The following UBXN2B variants were observed in gnomAD, a reference collection of about 807,000 sequenced individuals.
UBXN2B encodes UBX domain-containing protein 2B.
In UBXN2B, 19 loss-of-function variants were observed where a neutral mutation model predicts 37.5. The ratio of observed to expected loss-of-function variants is 0.51; its 90% CI spans 0.35 to 0.74. The LOEUF is 0.74. Among genes scored for constraint, UBXN2B ranks in the 30% least tolerant of loss-of-function variants. The pLI is 0.01. For missense variants in UBXN2B, 370 were observed against 393.2 expected (o/e 0.94, Z 0.50); for synonymous variants, 145 against 143.8 (o/e 1.01, Z -0.06).
At chr8:58,438,956 A>G (rs1208725010) in intron 5 of UBXN2B, among the ~76,000 whole-genome samples, 1 of 152,120 alleles carries the variant, frequency 6.6e-6, no homozygotes, top group African/African-American at 2.4e-5. Context: ...TGCCATCCCC[A>G]TGGTAATGAG....
intron 6 of UBXN2B, among the ~76,000 whole-genome samples, chr8:58,443,416 T>G (rs1040342913): frequency 6.6e-6 from 1 of 152,128 alleles, no homozygotes; most frequent in Non-Finnish European, 1.5e-5. Flanking sequence ...ATGTAAAAGT[T>G]TTACTATGGC....
intron 7 of UBXN2B, 61 bp from the exon 8 acceptor site, chr8:58,447,328 T>C: frequency 6.9e-7 from 1 of 1,451,646 alleles, no homozygotes; most frequent in Non-Finnish European, 9.2e-7. Context: ...TGATTCAGTT[T>C]TAAGTTTACA....
intron 2 of UBXN2B, chr8:58,426,441 T>C (rs1808092594): frequency 3.2e-6 from 2 of 632,990 alleles, no homozygotes; most frequent in South Asian, 1.5e-5. Flanking sequence ...ATCTCCTGAC[T>C]TTGTGATCCG....
intron 1 of UBXN2B, among the ~76,000 whole-genome samples, chr8:58,412,318 A>G (rs1372442291): frequency 6.6e-6 from 1 of 152,230 alleles, no homozygotes; most frequent in Non-Finnish European, 1.5e-5. Flanking sequence ...GAATGTGGAA[A>G]TAAGGACATC....
chr8:58,435,681 T>G (rs2129604366), intron 5 of UBXN2B, among the ~76,000 whole-genome samples: 1 of 152,322 alleles, frequency 6.6e-6, no homozygotes, highest in South Asian at 2.1e-4. Flanking sequence ...AGATAAAAAC[T>G]AATTTATTGT....
At chr8:58,425,100 C>A in intron 2 of UBXN2B, 1 of 793,086 alleles carries the variant, frequency 1.3e-6, no homozygotes, top group Admixed American at 1.7e-5. Context: ...CTCCGTGGTC[C>A]GGCCAGGTCC....
intron 3 of UBXN2B, 51 bp downstream of exon 3, chr8:58,430,720 C>CT: frequency 7.7e-7 from 1 of 1,297,672 alleles, no homozygotes; most frequent in Non-Finnish European, 1.0e-6. Flanking sequence ...TTTACCTCCT[C>CT]TTTCATTTTT....
rs1404656895 is a variant in UBXN2B at position 58,420,240 on chromosome 8, C to G, written c.188+3287C>G. On this transcript the variant is annotated intron_variant, in intron 2 of 7. Transcript: ENST00000399598. ...CAAATACACTTTTACTCTGATAATA[C>G]AGCTTTGCAACTAGCAAAGCAGTTG... is the stretch of plus-strand genomic sequence containing the variant. Among the ~76,000 whole-genome samples, 4 of 152,166 alleles carry G rather than the reference C, an allele frequency of 2.6e-5. No individual in the cohort carries two copies. In the South Asian group the frequency reaches 8.3e-4, roughly 31 times the overall value.
At chr8:58,434,585 A>G in intron 5 of UBXN2B, 81 bp downstream of exon 5, 2 of 1,083,442 alleles carry the variant, frequency 1.8e-6, no homozygotes, top group Non-Finnish European at 1.3e-6. Flanking sequence ...TTAGTGCACT[A>G]CGGGTTTTCA....
At chr8:58,425,714 G>A (rs910685797) in intron 2 of UBXN2B, 38 of 1,168,794 alleles carry the variant, frequency 3.3e-5, no homozygotes, top group African/African-American at 2.7e-4. Flanking sequence ...TATACGAGTC[G>A]TGTTAAGGGG....
At chr8:58,427,544 A>C (rs1529367) in intron 2 of UBXN2B, among the ~76,000 whole-genome samples, 105,854 of 152,112 alleles carry the variant, frequency 0.7, 37,063 homozygotes, top group East Asian at 0.79. Flanking sequence ...AGGATATTTT[A>C]AAGGTGTTCA....
chr8:58,434,833 C>G lies in UBXN2B; in HGVS notation c.533+329C>G. 2.6e-6 allele frequency: 4 copies of G among 1,535,326 alleles called. No homozygotes were observed. The South Asian group carries it at 4.8e-5, about 18-fold the overall frequency. ...AGTATGTAGCTGCCCACCCACTAAGCCACTGTCCTGCTTACTGTTGACAGG... is the reference window on the plus strand; with the variant it reads ...AGTATGTAGCTGCCCACCCACTAAGGCACTGTCCTGCTTACTGTTGACAGG... On this transcript the variant is annotated intron_variant, in intron 5 of 7. Transcript: ENST00000399598.
chr8:58,436,996 T>C (rs545453791), intron 5 of UBXN2B, among the ~76,000 whole-genome samples: 56 of 152,162 alleles, frequency 3.7e-4, no homozygotes, highest in Non-Finnish European at 5.9e-5. Flanking sequence ...CATGAAGATG[T>C]GGAAGCATCT....
chr8:58,433,330 C>CAA, intron 4 of UBXN2B, 87 bp downstream of exon 4: 1 of 1,101,864 alleles, frequency 9.1e-7, no homozygotes, highest in Non-Finnish European at 1.3e-6. Flanking sequence ...ATTGATAATA[C>CAA]AAATATATTT....
chr8:58,419,839 G>A (rs1268248870), intron 2 of UBXN2B, among the ~76,000 whole-genome samples: 1 of 152,234 alleles, frequency 6.6e-6, no homozygotes, highest in East Asian at 1.9e-4. Flanking sequence ...AGCCAGGAAG[G>A]CTTTCATAGG....
intron 5 of UBXN2B, among the ~76,000 whole-genome samples, chr8:58,437,573 T>C (rs1369549457): frequency 6.6e-6 from 1 of 151,968 alleles, no homozygotes; most frequent in East Asian, 1.9e-4. Context: ...TCCACCTGCC[T>C]TGGCCTCCCA....
intron 3 of UBXN2B, among the ~76,000 whole-genome samples, chr8:58,430,972 C>T (rs1808256732): frequency 6.6e-6 from 1 of 152,104 alleles, no homozygotes; most frequent in African/African-American, 2.4e-5. Flanking sequence ...CAATGGTTCC[C>T]CCCAATGGTT....
chr8:58,414,947 A>T (rs946904524), intron 1 of UBXN2B, among the ~76,000 whole-genome samples: 1 of 152,164 alleles, frequency 6.6e-6, no homozygotes, highest in African/African-American at 2.4e-5. Context: ...GTTAAAGCAA[A>T]AAGTGTTTAA....
intron 5 of UBXN2B, among the ~76,000 whole-genome samples, chr8:58,437,484 C>T (rs541820965): frequency 8.6e-5 from 13 of 151,978 alleles, no homozygotes; most frequent in African/African-American, 2.4e-4. Flanking sequence ...CTCACCACCA[C>T]GCCTGGCTAA....
Sources: allele counts gnomAD v4.1 joint callset (sites outside exome capture counted in the v4.1 genomes callset), GRCh38; gene constraint gnomAD v4.1.1; transcripts MANE v1.5; gene names NCBI Gene and HGNC (gene_info 2026-07-23, HGNC 2026-07-21).